The following IGF2BP2 variants were observed in gnomAD, a reference collection of about 807,000 sequenced individuals.
IGF2BP2 encodes insulin like growth factor 2 mRNA binding protein 2, also known as insulin-like growth factor 2 mRNA-binding protein 2.
A neutral mutation model predicts 75.8 loss-of-function variants in IGF2BP2; 17 were observed. The observed-to-expected ratio is 0.22, with a 90% CI of 0.15 to 0.34. The LOEUF (loss-of-function observed/expected upper bound fraction) is 0.34. Ranked by LOEUF, IGF2BP2 falls within the 10% of genes least tolerant of loss-of-function variation. The probability of loss-of-function intolerance (pLI) is 1.00; values close to 1 mark genes in which losing one functional copy is unlikely to be tolerated. For missense variants in IGF2BP2, 516 were observed against 772.4 expected (o/e 0.67, Z 3.93); for synonymous variants, 288 against 295.6 (o/e 0.97, Z 0.26).
chr3:185,782,309 C>T (rs1039054703), intron 2 of IGF2BP2, among the ~76,000 whole-genome samples: 1 of 152,126 alleles, frequency 6.6e-6, no homozygotes, highest in South Asian at 2.1e-4. Context: ...ATTTAAAACT[C>T]GCTTAAAATC....
chr3:185,663,367 G>A (rs191467158), intron 10 of IGF2BP2, among the ~76,000 whole-genome samples: 2 of 152,364 alleles, frequency 1.3e-5, no homozygotes, highest in East Asian at 1.9e-4. Context: ...GAGAGGCAGA[G>A]GGAGATGGGT....
At chr3:185,749,560 C>G (rs1210383275) in intron 2 of IGF2BP2, among the ~76,000 whole-genome samples, 1 of 152,180 alleles carries the variant, frequency 6.6e-6, no homozygotes, top group East Asian at 1.9e-4. Flanking sequence ...CAGTCTATCC[C>G]CAAATCTATC....
intron 2 of IGF2BP2, among the ~76,000 whole-genome samples, chr3:185,807,459 A>G (rs866749834): frequency 1.3e-5 from 2 of 152,244 alleles, no homozygotes; most frequent in African/African-American, 4.8e-5. Flanking sequence ...TACTACTGTT[A>G]TAAGAAATTC....
Position 185,647,794 on chromosome 3 carries a change from T to C in IGF2BP2, c.1594-656A>G, listed in dbSNP as rs1024551270. ...CACTGGGCCTGCTTCCCAACAGGAC[T>C]GCACGCTTCCTGAGGGCTCAGACCC... On this transcript the variant is annotated intron_variant, in intron 14 of 15. Coordinates refer to ENST00000382199, the MANE Select transcript of IGF2BP2 (RefSeq NM_006548.6). This position sits in a 1 kb window ranked among gnomAD's most constrained non-coding sequence, Gnocchi z 4.9. Among the ~76,000 whole-genome samples the C allele has an allele frequency of 6.6e-6, 1 of 152,242 alleles. No homozygotes were observed. The highest frequency in any genetic ancestry group is 6.5e-5 in the Admixed American group (1 of 15,286).
chr3:185,745,368 G>A (rs1730116803), intron 2 of IGF2BP2, among the ~76,000 whole-genome samples: 1 of 152,162 alleles, frequency 6.6e-6, no homozygotes, highest in Admixed American at 6.5e-5. Context: ...GGAGGCCAGG[G>A]AAAGAGAATA....
intron 2 of IGF2BP2, among the ~76,000 whole-genome samples, chr3:185,772,782 A>G (rs2149760424): frequency 6.6e-6 from 1 of 152,118 alleles, no homozygotes; most frequent in South Asian, 2.1e-4. Flanking sequence ...GGGTTTCACC[A>G]TGTTAGCCAG....
intron 2 of IGF2BP2, among the ~76,000 whole-genome samples, chr3:185,792,535 G>T (rs374608003): frequency 6.6e-6 from 1 of 152,030 alleles, no homozygotes; most frequent in Non-Finnish European, 1.5e-5. Context: ...GGAGGCCAAG[G>T]CGGGTGGATC....
intron 2 of IGF2BP2, among the ~76,000 whole-genome samples, chr3:185,735,821 T>C (rs1486720699): frequency 6.6e-6 from 1 of 152,176 alleles, no homozygotes. Flanking sequence ...CTTAACAGCA[T>C]GGACTCCTAA....
At chr3:185,702,414 G>C (rs559136610) in intron 2 of IGF2BP2, among the ~76,000 whole-genome samples, 1 of 152,082 alleles carries the variant, frequency 6.6e-6, no homozygotes, top group Non-Finnish European at 1.5e-5. Context: ...CTTTCTCCCT[G>C]AAACTGTGCC....
intron 7 of IGF2BP2, among the ~76,000 whole-genome samples, chr3:185,680,580 G>A (rs1018406494): frequency 3.3e-5 from 5 of 152,170 alleles, no homozygotes; most frequent in African/African-American, 9.7e-5. Context: ...ATCAAATTCA[G>A]CATATGAAAA....
At chr3:185,709,020 C>G (rs1207951672) in intron 2 of IGF2BP2, among the ~76,000 whole-genome samples, 1 of 152,082 alleles carries the variant, frequency 6.6e-6, no homozygotes, top group Non-Finnish European at 1.5e-5. Context: ...GATTAGTCAC[C>G]CTTACATGGT....
intron 12 of IGF2BP2, among the ~76,000 whole-genome samples, chr3:185,654,952 C>G (rs1028886752): frequency 5.3e-5 from 8 of 152,182 alleles, no homozygotes; most frequent in African/African-American, 1.9e-4. Context: ...GAGTGTGAGG[C>G]TCTCTCCCTG....
Position 185,643,466 on chromosome 3 carries a change from A to C in IGF2BP2, c.*2065T>G, listed in dbSNP as rs546148581. Among the ~76,000 whole-genome samples the C allele has an allele frequency of 1.3e-5, 2 of 152,230 alleles. No homozygotes were observed. Among genetic ancestry groups the C allele is most frequent in the African/African-American group, 2.4e-5 (1 of 41,460 alleles). On this transcript the variant is annotated 3_prime_UTR_variant, in exon 16 of 16. Coordinates refer to ENST00000382199, the MANE Select transcript of IGF2BP2 (RefSeq NM_006548.6). ...GAAAAGGTTGCTGGGCCTCACCCCC[A>C]GGATTTCTGATTCAAGGTGGACCCC... is the stretch of plus-strand genomic sequence containing the variant.
intron 2 of IGF2BP2, among the ~76,000 whole-genome samples, chr3:185,705,887 G>A (rs2149392712): frequency 6.6e-6 from 1 of 152,284 alleles, no homozygotes; most frequent in African/African-American, 2.4e-5. Flanking sequence ...CACCTTGGGG[G>A]TAAGGATTTC....
chr3:185,824,620 AG>A (rs1009296720), intron 1 of IGF2BP2, among the ~76,000 whole-genome samples, 162 bp downstream of exon 1: 3 of 151,448 alleles, frequency 2.0e-5, no homozygotes, highest in African/African-American at 7.3e-5. Flanking sequence ...GGGCCGTCCC[AG>A]GAGCGGGCCG....
intron 2 of IGF2BP2, among the ~76,000 whole-genome samples, chr3:185,758,162 C>T (rs937012971): frequency 3.3e-5 from 5 of 152,202 alleles, no homozygotes; most frequent in East Asian, 1.9e-4. Flanking sequence ...TGCCTTCATA[C>T]GTTCATGCAA....
intron 2 of IGF2BP2, among the ~76,000 whole-genome samples, chr3:185,721,287 G>A (rs777617359): frequency 2.6e-5 from 4 of 151,980 alleles, no homozygotes; most frequent in Non-Finnish European, 4.4e-5. Context: ...TCAGCTCACT[G>A]CAACCTCTGC....
At chr3:185,795,549 G>A (rs1308996628) in intron 2 of IGF2BP2, among the ~76,000 whole-genome samples, 1 of 152,184 alleles carries the variant, frequency 6.6e-6, no homozygotes, top group African/African-American at 2.4e-5. Context: ...TCTTGAAAGA[G>A]ACAAAGAGGA....
At chr3:185,721,010 T>G (rs1235662732) in intron 2 of IGF2BP2, among the ~76,000 whole-genome samples, 1 of 152,162 alleles carries the variant, frequency 6.6e-6, no homozygotes, top group Non-Finnish European at 1.5e-5. Flanking sequence ...TGCACACGCT[T>G]GCACACATGT....
Sources: gnomAD v4.1 joint callset for allele counts (sites outside exome capture counted in the v4.1 genomes callset) on GRCh38, gnomAD v4.1.1 for gene constraint, Gnocchi (gnomAD v3.1) non-coding constraint, MANE v1.5 for transcripts, NCBI Gene and HGNC (gene_info 2026-07-23, HGNC 2026-07-21) for gene names.